EPC1: variants seen among roughly 807,000 people sequenced by gnomAD.
The protein encoded by EPC1 is enhancer of polycomb homolog 1.
Under a neutral mutation model 98.4 loss-of-function variants are expected in EPC1, and 12 were observed. That is an observed-to-expected ratio of 0.12 (90% CI 0.08 to 0.20). EPC1 has a LOEUF of 0.20. Ranked by LOEUF, EPC1 falls within the 10% of genes least tolerant of loss-of-function variation. EPC1 has a pLI of 1.00. For synonymous variants in EPC1, 357 were observed against 363.9 expected (o/e 0.98, Z 0.21); for missense variants, 729 against 990.5 (o/e 0.74, Z 3.54).
chr10:32,346,614 G>T, intron 1 of EPC1, 149 bp downstream of exon 1: 3 of 776,752 alleles, frequency 3.9e-6, no homozygotes, highest in Non-Finnish European at 6.1e-6. Flanking sequence ...GAGGCTGGGG[G>T]AGGCGGGGTA....
At chr10:32,315,572 A>G (rs1447446697) in intron 1 of EPC1, among the ~76,000 whole-genome samples, 1 of 152,236 alleles carries the variant, frequency 6.6e-6, no homozygotes, top group East Asian at 1.9e-4. Flanking sequence ...GTAAGAAGCT[A>G]CTTAAGAAGT....
At chr10:32,338,951 A>AT (rs1216227890) in intron 1 of EPC1, among the ~76,000 whole-genome samples, 8 of 142,244 alleles carry the variant, frequency 5.6e-5, no homozygotes, top group African/African-American at 2.0e-4. Flanking sequence ...AAAAATAAAT[A>AT]AATAAATAAA....
chr10:32,367,542 A>G (rs1456016338), intron 1 of EPC1, among the ~76,000 whole-genome samples: 1 of 152,254 alleles, frequency 6.6e-6, no homozygotes, highest in Non-Finnish European at 1.5e-5. Flanking sequence ...CATATAAAAT[A>G]ACATGTATAT....
chr10:32,314,664 T>C (rs1207544916), intron 1 of EPC1, among the ~76,000 whole-genome samples: 1 of 152,222 alleles, frequency 6.6e-6, no homozygotes, highest in Non-Finnish European at 1.5e-5. Context: ...AATGCATGGT[T>C]AGCTAACACA....
chr10:32,270,306 ATGCTTGTC>A lies in EPC1; in HGVS notation c.2370-1179_2370-1172del, dbSNP rs1222499680. On this transcript the variant is annotated intron_variant, in intron 13 of 13. Coordinates refer to ENST00000319778, the MANE Select transcript of EPC1 (RefSeq NM_001272004.3). Reference sequence around the variant, plus strand: ...GCATTATTGGACTTCTCACTCTTTTATGCTTGTCTGCTAACTAAACTGAAAACACCTGT... The same window carrying A: ...GCATTATTGGACTTCTCACTCTTTTATGCTAACTAAACTGAAAACACCTGT... Among the ~76,000 whole-genome samples the A allele has an allele frequency of 3.9e-5, 6 of 152,308 alleles. No homozygotes were observed. In the East Asian group the frequency reaches 1.2e-3, roughly 29 times the overall value.
At chr10:32,298,828 C>T (rs1257598022) in intron 2 of EPC1, among the ~76,000 whole-genome samples, 1 of 152,126 alleles carries the variant, frequency 6.6e-6, no homozygotes, top group Non-Finnish European at 1.5e-5. Context: ...GCAGAATATG[C>T]TGCAGGGGAT....
intron 1 of EPC1, among the ~76,000 whole-genome samples, chr10:32,331,143 T>C (rs553920704): frequency 7.2e-5 from 11 of 152,266 alleles, no homozygotes; most frequent in Non-Finnish European, 1.5e-4. Flanking sequence ...AAAAAATCCA[T>C]ATAGAAGTCT....
intron 2 of EPC1, among the ~76,000 whole-genome samples, chr10:32,302,886 C>T (rs1201144157): frequency 6.6e-6 from 1 of 152,126 alleles, no homozygotes; most frequent in African/African-American, 2.4e-5. Flanking sequence ...GGGTAATATA[C>T]ACCTGGTGAT....
chr10:32,367,015 A>G (rs1009807582), intron 1 of EPC1, among the ~76,000 whole-genome samples: 3 of 148,962 alleles, frequency 2.0e-5, no homozygotes, highest in African/African-American at 7.8e-5. Context: ...TAATTTTTTG[A>G]GAAAGAGTCT....
intron 1 of EPC1, among the ~76,000 whole-genome samples, chr10:32,307,700 A>G (rs1195990978): frequency 2.0e-5 from 3 of 152,154 alleles, no homozygotes; most frequent in African/African-American, 7.2e-5. Flanking sequence ...TGCCATATTT[A>G]CTGGCCCTGA....
intron 1 of EPC1, among the ~76,000 whole-genome samples, chr10:32,331,259 G>A (rs12262361): frequency 0.013 from 1,990 of 151,998 alleles, 50 homozygotes; most frequent in African/African-American, 0.046. Flanking sequence ...GGCTGAGGCA[G>A]GAGAAGTGCT....
intron 1 of EPC1, among the ~76,000 whole-genome samples, chr10:32,352,370 C>T (rs897579241): frequency 2.0e-5 from 3 of 152,084 alleles, no homozygotes; most frequent in Non-Finnish European, 4.4e-5. Flanking sequence ...TCTTTTCAGT[C>T]TGTCCTCCCT....
chr10:32,334,287 A>G (rs558154087), intron 1 of EPC1, among the ~76,000 whole-genome samples: 1 of 152,194 alleles, frequency 6.6e-6, no homozygotes, highest in Non-Finnish European at 1.5e-5. Context: ...GTCTGGAGAA[A>G]GGATGAGGAC....
chr10:32,289,954 G>T (rs959904645), intron 6 of EPC1, among the ~76,000 whole-genome samples: 1 of 151,970 alleles, frequency 6.6e-6, no homozygotes, highest in African/African-American at 2.4e-5. Flanking sequence ...AATGCATAAC[G>T]TACTTTTTCC....
intron 10 of EPC1, among the ~76,000 whole-genome samples, chr10:32,280,763 T>C (rs570298534): frequency 1.6e-4 from 20 of 121,980 alleles, no homozygotes; most frequent in Non-Finnish European, 3.3e-4. Context: ...ATAAAAACAA[T>C]GAATAATCAG....
chr10:32,327,015 A>C (rs1592601191), intron 1 of EPC1, among the ~76,000 whole-genome samples: 1 of 122,344 alleles, frequency 8.2e-6, no homozygotes, highest in Non-Finnish European at 1.7e-5. Context: ...AAAAAAAAAA[A>C]AAATCAATGT....
chr10:32,349,582 C>T (rs931296516), upstream of EPC1, among the ~76,000 whole-genome samples: 3 of 151,764 alleles, frequency 2.0e-5, no homozygotes, highest in Admixed American at 1.3e-4. Flanking sequence ...TTAAAACAAA[C>T]AAACAAACAA....
intron 1 of EPC1, among the ~76,000 whole-genome samples, chr10:32,370,379 G>A (rs529775879): frequency 1.3e-5 from 2 of 152,264 alleles, no homozygotes; most frequent in African/African-American, 2.4e-5. Flanking sequence ...TGGTTTAGTG[G>A]GTTGCTTCAA....
chr10:32,314,839 G>A (rs1836459621), intron 1 of EPC1, among the ~76,000 whole-genome samples: 1 of 152,298 alleles, frequency 6.6e-6, no homozygotes, highest in Middle Eastern at 3.4e-3. Flanking sequence ...TGTTCACATG[G>A]GTGGGTATCT....
Sources: allele counts gnomAD v4.1 joint callset (sites outside exome capture counted in the v4.1 genomes callset), GRCh38; gene constraint gnomAD v4.1.1; transcripts MANE v1.5; gene names NCBI Gene and HGNC (gene_info 2026-07-23, HGNC 2026-07-21).